The following BEST3 variants were observed in gnomAD, a reference collection of about 807,000 sequenced individuals.
BEST3 encodes the protein bestrophin-3.
Under a neutral mutation model 47.1 loss-of-function variants are expected in BEST3, and 50 were observed. The ratio of observed to expected loss-of-function variants is 1.06; its 90% confidence interval spans 0.85 to 1.34. BEST3 has a LOEUF of 1.34. BEST3 is among the 40% of genes most tolerant of loss of function. The probability of loss-of-function intolerance (pLI) is 0.00; values close to 1 mark genes in which losing one functional copy is unlikely to be tolerated. For missense variants in BEST3, 765 were observed against 817.0 expected (o/e 0.94, Z 0.78); for synonymous variants, 282 against 298.8 (o/e 0.94, Z 0.58).
chr12:69,647,450 G>A (rs1051641948), intron 9 of BEST3, among the ~76,000 whole-genome samples: 11 of 152,184 alleles, frequency 7.2e-5, no homozygotes, highest in Admixed American at 7.2e-4. Flanking sequence ...ATTCAGTGGG[G>A]AGGAGCTGGA....
intron 4 of BEST3, among the ~76,000 whole-genome samples, chr12:69,680,718 C>T (rs1453918840): frequency 6.6e-6 from 1 of 152,138 alleles, no homozygotes; most frequent in Non-Finnish European, 1.5e-5. Flanking sequence ...TAAAATTTCC[C>T]TCCCTGGAGG....
intron 3 of BEST3, 149 bp downstream of exon 3, chr12:69,694,221 G>A (rs935250941): frequency 3.3e-6 from 2 of 609,628 alleles, no homozygotes; most frequent in Admixed American, 3.3e-5. Flanking sequence ...CAGCCGTGAA[G>A]GCAAACCTTA....
chr12:69,652,356 C>T (rs1883237705), downstream of BEST3, among the ~76,000 whole-genome samples: 1 of 152,086 alleles, frequency 6.6e-6, no homozygotes, highest in African/African-American at 2.4e-5. Context: ...GCTAGGCAGG[C>T]AATGAAATCA....
chr12:69,659,194 C>T (rs1883715923), intron 9 of BEST3, among the ~76,000 whole-genome samples: 1 of 152,104 alleles, frequency 6.6e-6, no homozygotes, highest in African/African-American at 2.4e-5. Flanking sequence ...AGGGAAACTC[C>T]CCAGCATGAC....
At chr12:69,685,079 GT>G (rs1469800696) in intron 4 of BEST3, among the ~76,000 whole-genome samples, 1 of 149,560 alleles carries the variant, frequency 6.7e-6, no homozygotes, top group African/African-American at 2.4e-5. Context: ...GTTACAACCC[GT>G]TAACCTGATT....
intron 4 of BEST3, among the ~76,000 whole-genome samples, chr12:69,685,158 T>C (rs141109915): frequency 3.3e-5 from 5 of 152,186 alleles, no homozygotes; most frequent in Non-Finnish European, 7.4e-5. Context: ...TGGAGTAAAA[T>C]CAGTTTCTGG....
chr12:69,673,424 G>C (rs1884705528), intron 7 of BEST3, among the ~76,000 whole-genome samples: 1 of 152,068 alleles, frequency 6.6e-6, no homozygotes. Flanking sequence ...AATATAAGAG[G>C]CTTTCACAAT....
chr12:69,673,696 G>A (rs1206558516), intron 7 of BEST3, among the ~76,000 whole-genome samples: 1 of 151,898 alleles, frequency 6.6e-6, no homozygotes, highest in East Asian at 1.9e-4. Context: ...TGCCCTTCTC[G>A]ACCTCCCAAA....
chr12:69,646,253 A>T (rs1196636216), intron 9 of BEST3, among the ~76,000 whole-genome samples: 1 of 152,146 alleles, frequency 6.6e-6, no homozygotes, highest in African/African-American at 2.4e-5. Context: ...AGGGATTTTA[A>T]ATCACTTAGT....
Position 69,677,006 on chromosome 12 carries a change from A to G in BEST3, c.777T>C (p.Asp259=), listed in dbSNP as rs1224915971. Residue 259 remains aspartate, a synonymous_variant, in exon 7 of 10, where the codon GAT becomes GAC. Coordinates refer to ENST00000330891, the MANE Select transcript of BEST3 (RefSeq NM_032735.3). ...CATGCCCTGCGTAGCCTTTGGTGGG[A>G]TCCAAAAACTGGCGTCCAATCAGGC... ...FACLIGRQFL[D]PTKGYAGHDL... 4 of 1,614,052 alleles carry G rather than the reference A, an allele frequency of 2.5e-6. No individual in the cohort carries two copies. The African/African-American group carries it at 5.3e-5, about 22-fold the overall frequency.
intron 9 of BEST3, among the ~76,000 whole-genome samples, chr12:69,664,462 T>G (rs1884064193): frequency 6.6e-6 from 1 of 152,222 alleles, no homozygotes; most frequent in South Asian, 2.1e-4. Flanking sequence ...CTGTGACTTC[T>G]TTAGGACCTT....
rs779549050 is a variant in BEST3 at position 69,697,697 on chromosome 12, C to A, written c.102G>T (p.Arg34Ser). Residue 34 changes from arginine (R) to serine (S), a missense_variant, in exon 2 of 10, where the codon AGG becomes AGT. Transcript: ENST00000330891. ...WRGSIYKLLY[R>S]EFIVFAVLYT... ...AAAGAACAGCAAAAACAATAAATTC[C>A]CTGTACAGTAGTTTGTAGATGCTGC... The A allele has an allele frequency of 2.5e-6, 4 of 1,610,324 alleles. No homozygotes were observed. The highest frequency in any genetic ancestry group is 2.2e-5 in the South Asian group (2 of 90,338).
At position 69,697,654 on chromosome 12, in the gene BEST3, C is replaced by A. The variant is rs762968347; in HGVS notation, c.145G>T (p.Val49Leu). ...ACATGTAAAGAAAAGTACCTGTATA[C>A]CAAACTTATTGCTGTATAAAGAACA... Reference protein sequence around the residue: ...FAVLYTAISLVYRLLLTGVQK... With the variant: ...FAVLYTAISLLYRLLLTGVQK... Residue 49 changes from valine to leucine, a missense_variant, in exon 2 of 10, where the codon GTA becomes TTA. Val to Leu is a conservative substitution (Grantham distance 32, BLOSUM62 1). Coordinates refer to ENST00000330891, the MANE Select transcript of BEST3 (RefSeq NM_032735.3). 8 of 1,588,620 alleles carry A rather than the reference C, an allele frequency of 5.0e-6. No homozygotes were observed. The Admixed American group carries it at 9.0e-5, about 18-fold the overall frequency.
At chr12:69,651,792 AAAAAAAAG>A, downstream of BEST3, among the ~76,000 whole-genome samples, 1 of 132,692 alleles carries the variant, frequency 7.5e-6, no homozygotes, top group Non-Finnish European at 1.8e-5. Flanking sequence ...AAAAGAAAAA[AAAAAAAAG>A]AAAGAAAAAA....
intron 9 of BEST3, among the ~76,000 whole-genome samples, chr12:69,667,180 C>T (rs1332682169): frequency 6.6e-6 from 1 of 152,194 alleles, no homozygotes; most frequent in African/African-American, 2.4e-5. Flanking sequence ...CAAATTGTTA[C>T]TCTGAGTATA....
At chr12:69,676,105 G>A in intron 7 of BEST3, among the ~76,000 whole-genome samples, 1 of 152,112 alleles carries the variant, frequency 6.6e-6, no homozygotes, top group East Asian at 1.9e-4. Context: ...GTGAAGGGAG[G>A]GGAAGCAAGG....
chr12:69,663,932 A>T (rs1884023508), intron 9 of BEST3, among the ~76,000 whole-genome samples: 1 of 152,226 alleles, frequency 6.6e-6, no homozygotes, highest in African/African-American at 2.4e-5. Flanking sequence ...AACTGAAGGG[A>T]TCCCACATGA....
intron 7 of BEST3, among the ~76,000 whole-genome samples, chr12:69,674,683 C>T (rs954673928): frequency 2.0e-5 from 3 of 152,162 alleles, no homozygotes; most frequent in African/African-American, 7.2e-5. Context: ...ATTAAATTGA[C>T]AAAATGGCAT....
rs116968910 is a variant in BEST3, at chr12:69,667,808, C to T, written c.1100+3620G>A. Among the ~76,000 whole-genome samples the T allele has an allele frequency of 4.6e-3, 697 of 152,154 alleles. 5 individuals carry two copies. The highest frequency in any genetic ancestry group is 0.014 in the Middle Eastern group (4 of 294). ...TTTTTTCTTTTCTTTTTTTGACTAC[C>T]TCTAGCATCTGGCATAGAACCTACC... On this transcript the variant is annotated intron_variant, in intron 9 of 9. Transcript: ENST00000330891.
Sources: gnomAD v4.1 joint callset for allele counts (sites outside exome capture counted in the v4.1 genomes callset) on GRCh38, gnomAD v4.1.1 for gene constraint, MANE v1.5 for transcripts, NCBI Gene and HGNC (gene_info 2026-07-23, HGNC 2026-07-21) for gene names.